EPHA5: variants seen among roughly 807,000 people sequenced by gnomAD.
EPHA5 encodes EPH receptor A5, also known as ephrin type-A receptor 5.
EPHA5 carries 60 observed loss-of-function variants against 105.0 expected under a neutral mutation model. The ratio of observed to expected loss-of-function variants is 0.57; its 90% CI spans 0.46 to 0.71. EPHA5 has a LOEUF of 0.71. Ranked by LOEUF, EPHA5 falls within the 30% of genes least tolerant of loss-of-function variation. EPHA5 has a pLI of 0.00. For missense variants in EPHA5, 1,218 were observed against 1,274.7 expected, an observed-to-expected ratio of 0.96 and a Z score of 0.68; for synonymous variants, 513 against 449.1, an observed-to-expected ratio of 1.14 and a Z score of -1.80.
intron 5 of EPHA5, among the ~76,000 whole-genome samples, chr4:65,487,187 G>C (rs756772592): frequency 6.6e-6 from 1 of 152,112 alleles, no homozygotes; most frequent in African/African-American, 2.4e-5. Context: ...TATAGCAGTG[G>C]AAAAAGACTA....
At chr4:65,535,809 G>C (rs147455176) in intron 3 of EPHA5, among the ~76,000 whole-genome samples, 155 of 151,962 alleles carry the variant, frequency 1.0e-3, no homozygotes, top group African/African-American at 3.6e-3. Flanking sequence ...AACTGAACTG[G>C]AAGTGGAGGT....
chr4:65,427,503 A>G (rs1407761400), intron 5 of EPHA5, among the ~76,000 whole-genome samples: 1 of 152,088 alleles, frequency 6.6e-6, no homozygotes, highest in Non-Finnish European at 1.5e-5. Flanking sequence ...TTTAAGATAA[A>G]ATATATTCCT....
chr4:65,599,555 G>A (rs1390385207), intron 3 of EPHA5, among the ~76,000 whole-genome samples: 1 of 152,042 alleles, frequency 6.6e-6, no homozygotes, highest in Non-Finnish European at 1.5e-5. Flanking sequence ...CATACCATTT[G>A]TACATAGTAA....
intron 5 of EPHA5, among the ~76,000 whole-genome samples, chr4:65,465,554 GGAA>G (rs1728629001): frequency 7.0e-5 from 7 of 100,568 alleles, no homozygotes; most frequent in African/African-American, 2.2e-4. Flanking sequence ...AGGAAAGGAA[GGAA>G]AGGAAGGAAA....
At chr4:65,628,074 T>G (rs982419818) in intron 2 of EPHA5, among the ~76,000 whole-genome samples, 1 of 152,130 alleles carries the variant, frequency 6.6e-6, no homozygotes, top group Non-Finnish European at 1.5e-5. Flanking sequence ...GTGGTTTTCA[T>G]AATTTTATAC....
At chr4:65,478,619 G>T (rs1730058163) in intron 5 of EPHA5, among the ~76,000 whole-genome samples, 2 of 151,910 alleles carry the variant, frequency 1.3e-5, no homozygotes. Context: ...TTACAAGTGT[G>T]CACCACCACA....
At chr4:65,497,987 G>A (rs1732113154) in intron 3 of EPHA5, among the ~76,000 whole-genome samples, 1 of 151,826 alleles carries the variant, frequency 6.6e-6, no homozygotes, top group South Asian at 2.1e-4. Context: ...AAAGAAAAAG[G>A]AGCTATAGCA....
chr4:65,417,059 T>G (rs1723452776), intron 6 of EPHA5, among the ~76,000 whole-genome samples: 1 of 152,122 alleles, frequency 6.6e-6, no homozygotes, highest in African/African-American at 2.4e-5. Flanking sequence ...TCACATGCAG[T>G]GAGGGGACGG....
intron 2 of EPHA5, among the ~76,000 whole-genome samples, chr4:65,617,260 G>T (rs13102791): frequency 0.062 from 9,350 of 151,930 alleles, 388 homozygotes; most frequent in Admixed American, 0.11. Flanking sequence ...ATGCTACATT[G>T]TCAGTGTACA....
chr4:65,656,027 A>G (rs1749022857), intron 1 of EPHA5, among the ~76,000 whole-genome samples: 1 of 151,754 alleles, frequency 6.6e-6, no homozygotes, highest in Non-Finnish European at 1.5e-5. Flanking sequence ...TGGAGGGAAA[A>G]GGGAGACAAG....
chr4:65,429,693 T>C (rs1413320789), intron 5 of EPHA5, among the ~76,000 whole-genome samples: 1 of 152,038 alleles, frequency 6.6e-6, no homozygotes, highest in African/African-American at 2.4e-5. Context: ...ATTAAATTAT[T>C]TATCTATTGA....
At chr4:65,515,591 A>G (rs1340203237) in intron 3 of EPHA5, among the ~76,000 whole-genome samples, 1 of 152,076 alleles carries the variant, frequency 6.6e-6, no homozygotes, top group Non-Finnish European at 1.5e-5. Context: ...TTTTGTGAAA[A>G]TTTATAGGAT....
chr4:65,511,466 C>A (rs1287232863), intron 3 of EPHA5, among the ~76,000 whole-genome samples: 1 of 152,038 alleles, frequency 6.6e-6, no homozygotes, highest in Non-Finnish European at 1.5e-5. Flanking sequence ...GGTAAGATTT[C>A]ATCAATGGGA....
At chr4:65,614,639 G>C (rs1578584459) in intron 2 of EPHA5, among the ~76,000 whole-genome samples, 1 of 151,746 alleles carries the variant, frequency 6.6e-6, no homozygotes, top group African/African-American at 2.4e-5. Context: ...GCTAAATATA[G>C]GCTAATGCTT....
intron 3 of EPHA5, among the ~76,000 whole-genome samples, chr4:65,542,718 T>C (rs1736963506): frequency 6.6e-6 from 1 of 151,892 alleles, no homozygotes; most frequent in Non-Finnish European, 1.5e-5. Context: ...CTAACTCATT[T>C]TATGGGGCCA....
At chr4:65,331,567 G>A in intron 16 of EPHA5, 3 of 1,057,916 alleles carry the variant, frequency 2.8e-6, no homozygotes, top group Non-Finnish European at 3.4e-6. Flanking sequence ...GAGCCAAAAT[G>A]TACAAATATG....
intron 8 of EPHA5, among the ~76,000 whole-genome samples, chr4:65,395,134 C>T (rs1180856232): frequency 1.3e-5 from 2 of 152,138 alleles, no homozygotes; most frequent in Non-Finnish European, 2.9e-5. Flanking sequence ...AGAACTGTGC[C>T]AGGCATGTAG....
At chr4:65,394,122 T>A (rs1304723149) in intron 8 of EPHA5, among the ~76,000 whole-genome samples, 1 of 152,216 alleles carries the variant, frequency 6.6e-6, no homozygotes, top group African/African-American at 2.4e-5. Context: ...GAATACAATT[T>A]ACTGGATATA....
intron 3 of EPHA5, among the ~76,000 whole-genome samples, chr4:65,531,259 G>A (rs1190452105): frequency 6.6e-6 from 1 of 150,624 alleles, no homozygotes; most frequent in African/African-American, 2.4e-5. Context: ...GGATGGTCTC[G>A]ATCTCCTGAC....
Sources: allele counts gnomAD v4.1 joint callset (sites outside exome capture counted in the v4.1 genomes callset), GRCh38; gene constraint gnomAD v4.1.1; transcripts MANE v1.5; gene names NCBI Gene and HGNC (gene_info 2026-07-23, HGNC 2026-07-21).